The following DCT variants were observed in gnomAD, a reference collection of about 807,000 sequenced individuals.
DCT encodes L-dopachrome tautomerase.
A neutral mutation model predicts 53.0 loss-of-function variants in DCT; 47 were observed. The ratio of observed to expected loss-of-function variants is 0.89; its 90% CI spans 0.70 to 1.13. DCT has a LOEUF of 1.13. DCT is among the 50% of genes most tolerant of loss of function. The pLI is 0.00. For missense variants in DCT, 669 were observed against 637.4 expected (o/e 1.05, Z -0.53); for synonymous variants, 244 against 237.0 (o/e 1.03, Z -0.27).
chr13:94,454,164 CTACTG>C, intron 6 of DCT, among the ~76,000 whole-genome samples: 1 of 152,236 alleles, frequency 6.6e-6, no homozygotes, highest in East Asian at 1.9e-4. Context: ...AGTAATAAGA[CTACTG>C]TATGTTGTAT....
chr13:94,523,443 T>C, the DCT span, among the ~76,000 whole-genome samples: 1 of 152,156 alleles, frequency 6.6e-6, no homozygotes, highest in Non-Finnish European at 1.5e-5. Context: ...GTCTGAGGGT[T>C]AGTAGTACTG....
At chr13:94,506,997 T>C in the DCT span, among the ~76,000 whole-genome samples, 1 of 152,216 alleles carries the variant, frequency 6.6e-6, no homozygotes, top group East Asian at 1.9e-4. Flanking sequence ...TTGGTTTCTT[T>C]ATCTGGAAAA....
At chr13:94,504,158 G>T in the DCT span, among the ~76,000 whole-genome samples, 32 of 152,334 alleles carry the variant, frequency 2.1e-4, no homozygotes, top group Non-Finnish European at 3.4e-4. Context: ...TGATTCTTGT[G>T]TTTGGCTAAT....
At chr13:94,541,155 G>A in the DCT span, among the ~76,000 whole-genome samples, 1 of 152,116 alleles carries the variant, frequency 6.6e-6, no homozygotes, top group African/African-American at 2.4e-5. Flanking sequence ...GGGAGGTGGA[G>A]ATAAAGAGGT....
At chr13:94,495,820 A>G in the DCT span, among the ~76,000 whole-genome samples, 1 of 152,196 alleles carries the variant, frequency 6.6e-6, no homozygotes, top group African/African-American at 2.4e-5. Flanking sequence ...CAATAACTTC[A>G]TATTTCAACT....
chr13:94,439,206 G>A lies in DCT; in HGVS notation c.*692C>T, dbSNP rs529650406. 1.3e-5 allele frequency: 2 copies of A among 152,428 alleles called. No homozygotes were observed. Among genetic ancestry groups the A allele is most frequent in the African/African-American group, 4.8e-5 (2 of 41,536 alleles). The allele number at this position is 152,428 out of a possible 1,614,324, so 9.4% of individuals were successfully genotyped here. A position where few individuals can be genotyped will look rare whatever the true frequency, so the allele number is the denominator to read the frequency against. On this transcript the variant is annotated 3_prime_UTR_variant, in exon 8 of 8. Transcript: ENST00000377028. Reference sequence around the variant, plus strand: ...TAATATAGGTCTACTGTTTAAAACTGCAGATTTTAAGTAAAATCCGTAAAA... The same window carrying A: ...TAATATAGGTCTACTGTTTAAAACTACAGATTTTAAGTAAAATCCGTAAAA...
At chr13:94,487,231 C>T in the DCT span, among the ~76,000 whole-genome samples, 1 of 152,286 alleles carries the variant, frequency 6.6e-6, no homozygotes, top group South Asian at 2.1e-4. Context: ...GTTCTGAAAG[C>T]CAGTAAAGAG....
chr13:94,470,254 A>G (rs1884555428), intron 1 of DCT, among the ~76,000 whole-genome samples: 1 of 152,234 alleles, frequency 6.6e-6, no homozygotes, highest in Non-Finnish European at 1.5e-5. Flanking sequence ...TCAAGTCCTC[A>G]GGGTGAATCA....
chr13:94,456,115 T>C (rs1044849840), intron 6 of DCT, among the ~76,000 whole-genome samples: 7 of 152,242 alleles, frequency 4.6e-5, no homozygotes, highest in Admixed American at 1.3e-4. Context: ...CAAAGATCGC[T>C]GTGGCGGCGT....
At chr13:94,544,609 T>A in the DCT span, among the ~76,000 whole-genome samples, 1 of 152,128 alleles carries the variant, frequency 6.6e-6, no homozygotes, top group Non-Finnish European at 1.5e-5. Context: ...AGATGATCCA[T>A]TAGAAAAGGA....
the DCT span, among the ~76,000 whole-genome samples, chr13:94,514,316 G>A: frequency 3.1e-5 from 2 of 64,492 alleles, no homozygotes; most frequent in South Asian, 6.7e-4. Flanking sequence ...CCACCAAAAC[G>A]GGGGTGGGCA....
At chr13:94,529,451 CA>C in the DCT span, among the ~76,000 whole-genome samples, 1 of 152,200 alleles carries the variant, frequency 6.6e-6, no homozygotes, top group Non-Finnish European at 1.5e-5. Context: ...TCTCACACCA[CA>C]GGGCAATCAA....
intron 1 of DCT, among the ~76,000 whole-genome samples, chr13:94,471,628 G>T (rs1384716034): frequency 6.6e-6 from 1 of 152,178 alleles, no homozygotes; most frequent in Non-Finnish European, 1.5e-5. Context: ...ATTAAAAACA[G>T]ATTTGATTAA....
chr13:94,493,986 G>T, the DCT span, among the ~76,000 whole-genome samples: 1 of 152,190 alleles, frequency 6.6e-6, no homozygotes, highest in Non-Finnish European at 1.5e-5. Context: ...TTTTTGTAAA[G>T]CTAAAACTGC....
chr13:94,475,673 T>C (rs1301384995), intron 1 of DCT, among the ~76,000 whole-genome samples: 1 of 152,220 alleles, frequency 6.6e-6, no homozygotes, highest in Non-Finnish European at 1.5e-5. Flanking sequence ...TGTTAACTGT[T>C]CTTACCACAA....
the DCT span, among the ~76,000 whole-genome samples, chr13:94,493,955 C>G: frequency 1.3e-5 from 2 of 152,208 alleles, no homozygotes; most frequent in Non-Finnish European, 2.9e-5. Context: ...TGTATGGGAA[C>G]TCTTTCTACT....
the DCT span, among the ~76,000 whole-genome samples, chr13:94,520,400 T>C: frequency 5.9e-3 from 900 of 152,230 alleles, 13 homozygotes; most frequent in African/African-American, 0.02. Context: ...AAGGCAGAAA[T>C]TGAGAAAGGG....
intron 6 of DCT, 113 bp from the exon 7 acceptor site, chr13:94,443,750 G>C: frequency 1.2e-6 from 1 of 810,228 alleles, no homozygotes; most frequent in East Asian, 2.7e-5. Flanking sequence ...AGGAACTTCT[G>C]TATACCCATG....
intron 6 of DCT, chr13:94,445,788 A>G (rs1882681451): frequency 6.5e-7 from 1 of 1,534,956 alleles, no homozygotes; most frequent in African/African-American, 1.4e-5. Context: ...TTTAATAGAA[A>G]TTTTGTTTGT....
Sources: allele counts gnomAD v4.1 joint callset (sites outside exome capture counted in the v4.1 genomes callset), GRCh38; gene constraint gnomAD v4.1.1; transcripts MANE v1.5; gene names NCBI Gene and HGNC (gene_info 2026-07-23, HGNC 2026-07-21).